KAZN: variants seen among roughly 807,000 people sequenced by gnomAD.
The protein encoded by KAZN is kazrin, periplakin interacting protein, also known as kazrin.
A neutral mutation model predicts 87.4 loss-of-function variants in KAZN; 40 were observed. The ratio of observed to expected loss-of-function variants is 0.46; its 90% CI spans 0.36 to 0.60. KAZN has a LOEUF of 0.60. KAZN is among the 20% of genes least tolerant of loss of function. The pLI, the probability that KAZN is intolerant of heterozygous loss-of-function variation, is 0.00. For missense variants in KAZN, 898 were observed against 1,073.9 expected, an observed-to-expected ratio of 0.84 and a Z score of 2.29; for synonymous variants, 466 against 458.3, an observed-to-expected ratio of 1.02 and a Z score of -0.22.
chr1:14,595,817 G>A (rs1416954631), upstream of KAZN, among the ~76,000 whole-genome samples: 2 of 151,908 alleles, frequency 1.3e-5, no homozygotes, highest in Non-Finnish European at 2.9e-5. Flanking sequence ...GTGTGTGGGT[G>A]AACATAAGGA....
intron 1 of KAZN, among the ~76,000 whole-genome samples, chr1:13,948,606 C>A (rs1641231819): frequency 6.6e-6 from 1 of 152,134 alleles, no homozygotes; most frequent in Non-Finnish European, 1.5e-5. Flanking sequence ...GGAGAGGCTT[C>A]TGCAGGATGG....
chr1:14,843,742 C>G (rs941546435), intron 1 of KAZN, among the ~76,000 whole-genome samples: 1 of 152,216 alleles, frequency 6.6e-6, no homozygotes, highest in African/African-American at 2.4e-5. Flanking sequence ...GCTGTTTATT[C>G]TCCACATTCC....
rs1430306528 is a variant in KAZN at position 15,056,812 on chromosome 1, C to T, written c.916+532C>T. On this transcript the variant is annotated intron_variant, in intron 5 of 14. Transcript: ENST00000376030. This position sits in a 1 kb window ranked among gnomAD's most constrained non-coding sequence, Gnocchi z 5.4. ...GTCACAGGTGTTTGCTCCAGGCACTCGGCAGGGAAGTCTGGCCTGTGGACA... is the reference window on the plus strand; with the variant it reads ...GTCACAGGTGTTTGCTCCAGGCACTTGGCAGGGAAGTCTGGCCTGTGGACA... 6.6e-6 allele frequency among the ~76,000 whole-genome samples: 1 copy of T among 152,182 alleles called. No homozygotes were observed.
intron 2 of KAZN, among the ~76,000 whole-genome samples, chr1:14,307,191 T>C (rs909609928): frequency 6.6e-6 from 1 of 152,156 alleles, no homozygotes; most frequent in Non-Finnish European, 1.5e-5. Context: ...AATGAATCAC[T>C]TCTTTCCCAC....
At chr1:13,965,929 G>C (rs955334571) in intron 1 of KAZN, among the ~76,000 whole-genome samples, 2 of 152,154 alleles carry the variant, frequency 1.3e-5, no homozygotes, top group Non-Finnish European at 2.9e-5. Context: ...ACGTCCTCCT[G>C]CAAGAAGGGC....
intron 1 of KAZN, among the ~76,000 whole-genome samples, chr1:14,129,799 G>A (rs76263950): frequency 6.6e-6 from 1 of 152,262 alleles, no homozygotes; most frequent in African/African-American, 2.4e-5. Flanking sequence ...GAGAGAGAGA[G>A]GTTATATGCA....
At chr1:14,604,481 C>T (rs1032222034) in intron 1 of KAZN, among the ~76,000 whole-genome samples, 5 of 152,280 alleles carry the variant, frequency 3.3e-5, no homozygotes, top group South Asian at 2.1e-4. Flanking sequence ...TCTTCCTCCC[C>T]GTGTGGTTGC....
chr1:14,594,376 G>C (rs1676366487), upstream of KAZN, among the ~76,000 whole-genome samples: 1 of 152,154 alleles, frequency 6.6e-6, no homozygotes, highest in Non-Finnish European at 1.5e-5. Flanking sequence ...AAATACCCAG[G>C]CAAGCTTTGA....
chr1:14,542,306 AG>A lies in KAZN; in HGVS notation c.250-56671del, dbSNP rs1439664272. On this transcript the variant is annotated intron_variant, in intron 2 of 16. Coordinates refer to the KAZN transcript ENST00000636203. ...CCGGGGACTGTTGTGGGGTGGGGGG[AG>A]GGGGGAGGGATAGCATTAGGAGATA... Among the ~76,000 whole-genome samples, 10 of 40,616 alleles carry A rather than the reference AG, an allele frequency of 2.5e-4. No individual in the cohort carries two copies. The South Asian group carries it at 8.6e-3, about 35-fold the overall frequency. The allele number at this position is 40,616 out of a possible 152,430, so 26.6% of individuals were successfully genotyped here.
At chr1:14,602,401 T>C (rs1391316291) in intron 1 of KAZN, among the ~76,000 whole-genome samples, 1 of 152,122 alleles carries the variant, frequency 6.6e-6, no homozygotes, top group Non-Finnish European at 1.5e-5. Context: ...CCGTGCAGGG[T>C]GACACATTTC....
chr1:14,706,632 AATT>A (rs1472459238), intron 1 of KAZN, among the ~76,000 whole-genome samples: 2 of 152,200 alleles, frequency 1.3e-5, no homozygotes, highest in Non-Finnish European at 2.9e-5. Context: ...AATGAAATTA[AATT>A]ATTTTTTAAA....
At chr1:14,237,674 G>A (rs1384909339) in intron 2 of KAZN, among the ~76,000 whole-genome samples, 1 of 152,130 alleles carries the variant, frequency 6.6e-6, no homozygotes, top group Non-Finnish European at 1.5e-5. Context: ...TATTGACGCA[G>A]CAAACATTTA....
Position 14,722,054 on chromosome 1 carries a change from C to T in KAZN, c.226+122831C>T, listed in dbSNP as rs543085380. On this transcript the variant is annotated intron_variant, in intron 1 of 14. Transcript: ENST00000376030. ...CCTGTAATCTCAGCTACTTGGGAGG[C>T]TGAGGTAGAATTGCTTGAACCCAGG... Among the ~76,000 whole-genome samples, 12 of 151,900 alleles carry T rather than the reference C, an allele frequency of 7.9e-5. No homozygotes were observed. In the South Asian group the frequency reaches 2.5e-3, roughly 32 times the overall value.
chr1:15,027,018 A>G (rs1029585252), intron 2 of KAZN, among the ~76,000 whole-genome samples: 2 of 145,590 alleles, frequency 1.4e-5, no homozygotes, highest in Non-Finnish European at 3.0e-5. Flanking sequence ...CCGTCTACAG[A>G]TGAGGAAACT....
intron 2 of KAZN, among the ~76,000 whole-genome samples, chr1:14,569,182 G>A (rs1478832830): frequency 2.6e-5 from 4 of 151,978 alleles, no homozygotes; most frequent in Admixed American, 2.6e-4. Context: ...TGTTCCATAT[G>A]GGAAAGGATG....
At chr1:14,190,366 G>A (rs1365746810) in intron 2 of KAZN, among the ~76,000 whole-genome samples, 6 of 152,110 alleles carry the variant, frequency 3.9e-5, no homozygotes, top group Non-Finnish European at 7.4e-5. Flanking sequence ...CTTTGTGAGG[G>A]ACGTGGGATT....
chr1:14,397,074 G>C (rs1449666138), intron 2 of KAZN, among the ~76,000 whole-genome samples: 1 of 152,132 alleles, frequency 6.6e-6, no homozygotes, highest in African/African-American at 2.4e-5. Context: ...ATGTATCTTT[G>C]TAAGACTGAA....
intron 1 of KAZN, among the ~76,000 whole-genome samples, chr1:13,965,133 C>T (rs992488113): frequency 4.6e-5 from 7 of 152,120 alleles, no homozygotes; most frequent in Admixed American, 4.6e-4. Context: ...CTCTGCCTTC[C>T]ACCCTGAGTG....
intron 2 of KAZN, among the ~76,000 whole-genome samples, chr1:14,199,546 C>T (rs1172232085): frequency 3.3e-5 from 5 of 152,194 alleles, no homozygotes; most frequent in Non-Finnish European, 7.3e-5. Flanking sequence ...TGGGTTGCAC[C>T]CTCCTTGAGT....
Sources: gnomAD v4.1 joint callset for allele counts (sites outside exome capture counted in the v4.1 genomes callset) on GRCh38, gnomAD v4.1.1 for gene constraint, Gnocchi (gnomAD v3.1) non-coding constraint, MANE v1.5 for transcripts, NCBI Gene and HGNC (gene_info 2026-07-23, HGNC 2026-07-21) for gene names.